CEP350: variants seen among roughly 807,000 people sequenced by gnomAD.
CEP350 encodes centrosomal protein 350, also known as centrosome-associated protein 350.
CEP350 carries 126 observed loss-of-function variants against 331.8 expected under a neutral mutation model. That is an observed-to-expected ratio of 0.38 (90% CI 0.33 to 0.44). CEP350 has a LOEUF of 0.44. Among genes scored for constraint, CEP350 ranks in the 20% least tolerant of loss-of-function variants. The pLI is 1.00. For missense variants in CEP350, 3,406 were observed against 3,634.6 expected (o/e 0.94, Z 1.62); for synonymous variants, 1,200 against 1,259.5 (o/e 0.95, Z 1.00).
In CEP350 at chr1:180,055,289, A is replaced by G. The variant is rs112125590; in HGVS notation, c.5262+787A>G. Among the ~76,000 whole-genome samples, 823 of 152,222 alleles carry G rather than the reference A, an allele frequency of 5.4e-3. 12 individuals are homozygous for G. The highest frequency in any genetic ancestry group is 0.018 in the African/African-American group (767 of 41,526). ...GAGACTTAATTTCCTCATCTGTAGG[A>G]GTGGGATTATACTTCATATAGTGGT... On this transcript the variant is annotated intron_variant, in intron 25 of 37. Coordinates refer to ENST00000367607, the MANE Select transcript of CEP350 (RefSeq NM_014810.5).
At chr1:179,969,197 A>G in intron 1 of CEP350, 1 of 561,436 alleles carries the variant, frequency 1.8e-6, no homozygotes, top group South Asian at 1.6e-5. Flanking sequence ...GTGTGCCACC[A>G]TTTCCTGTGA....
At chr1:180,025,955 G>A (rs10913922) in intron 14 of CEP350, among the ~76,000 whole-genome samples, 11,528 of 152,096 alleles carry the variant, frequency 0.076, 615 homozygotes, top group African/African-American at 0.16. Context: ...TGAGCTAAAA[G>A]TCTTCAGGGG....
At position 180,087,675 on chromosome 1, in the gene CEP350, C is replaced by T; in HGVS notation, c.6383C>T (p.Ala2128Val). The change falls in exon 32 of 38, where the codon GCT becomes GTT. Residue 2128 changes from alanine (A) to valine (V), a missense_variant. This residue lies in a region of CEP350 where 1,415 missense variants were observed against 1,512.3 expected (regional missense o/e 0.94). Coordinates refer to ENST00000367607, the MANE Select transcript of CEP350 (RefSeq NM_014810.5). ...CCTCAGATTAAAACGCTCTCCTCAG[C>T]TTCTGAAAAACCCAAGATCAAACCC... ...AKPQIKTLSS[A>V]SEKPKIKPLT... is the part of the protein sequence containing the mutation. 2.5e-6 allele frequency: 4 copies of T among 1,583,298 alleles called. No homozygotes were observed. Among genetic ancestry groups the T allele is most frequent in the Non-Finnish European group, 3.4e-6 (4 of 1,163,168 alleles).
At chr1:179,956,589 A>G (rs1405754828) in intron 1 of CEP350, among the ~76,000 whole-genome samples, 1 of 152,156 alleles carries the variant, frequency 6.6e-6, no homozygotes, top group Non-Finnish European at 1.5e-5. Flanking sequence ...TCTTTTGCCC[A>G]TTTTATAACA....
chr1:180,018,366 A>G (rs959084375), intron 11 of CEP350, among the ~76,000 whole-genome samples: 2 of 152,128 alleles, frequency 1.3e-5, no homozygotes, highest in African/African-American at 4.8e-5. Context: ...CTGTTTCTCT[A>G]CCATCAACAT....
At chr1:179,989,566 T>C (rs1422334454) in intron 3 of CEP350, among the ~76,000 whole-genome samples, 1 of 152,122 alleles carries the variant, frequency 6.6e-6, no homozygotes, top group Non-Finnish European at 1.5e-5. Flanking sequence ...GATTTTAATT[T>C]CATTTTTTAT....
At chr1:180,028,692 T>TC (rs1001426868) in intron 14 of CEP350, among the ~76,000 whole-genome samples, 1 of 152,016 alleles carries the variant, frequency 6.6e-6, no homozygotes, top group Non-Finnish European at 1.5e-5. Context: ...TAGCTCCAGC[T>TC]ACTGGAGAGG....
chr1:180,020,713 A>T lies in CEP350; in HGVS notation c.2939A>T (p.Asp980Val). Reference protein sequence around the residue: ...KAKISLGSSIDSVSEGPLLSE... With the variant: ...KAKISLGSSIVSVSEGPLLSE... Reference sequence around the variant, plus strand: ...AAAATATCTCTTGGTTCCAGCATAGATTCAGTCAGTGAAGGGCCTCTTCTT... The same window carrying T: ...AAAATATCTCTTGGTTCCAGCATAGTTTCAGTCAGTGAAGGGCCTCTTCTT... The change falls in exon 12 of 38, where the codon GAT (aspartate) becomes GTT (valine). Residue 980 changes from aspartate to valine, a missense_variant. Asp to Val is a radical substitution (Grantham distance 152). Transcript: ENST00000367607. 1 of 1,614,028 alleles carries T rather than the reference A, an allele frequency of 6.2e-7. No individual in the cohort carries two copies. The highest frequency in any genetic ancestry group is 1.1e-5 in the South Asian group (1 of 91,086).
intron 7 of CEP350, among the ~76,000 whole-genome samples, chr1:180,005,300 C>T (rs1463319136): frequency 2.0e-5 from 3 of 152,058 alleles, no homozygotes; most frequent in Non-Finnish European, 4.4e-5. Context: ...TAAATGTGGT[C>T]ATGATATACC....
chr1:179,979,021 T>C (rs575324920), intron 1 of CEP350, among the ~76,000 whole-genome samples: 20 of 152,294 alleles, frequency 1.3e-4, no homozygotes, highest in Admixed American at 5.9e-4. Flanking sequence ...ATAATGCTGC[T>C]ATAAACATGG....
At chr1:180,053,190 G>C in intron 23 of CEP350, 24 bp downstream of exon 23, 1 of 1,407,662 alleles carries the variant, frequency 7.1e-7, no homozygotes, top group Non-Finnish European at 9.6e-7. Flanking sequence ...TATCTGTGGA[G>C]GTAAATGGTT....
At chr1:180,101,076 A>G (rs1008550845) in intron 37 of CEP350, among the ~76,000 whole-genome samples, 3 of 152,192 alleles carry the variant, frequency 2.0e-5, no homozygotes. Context: ...TCAAATACTA[A>G]ACAAAATATT....
rs977199748 is a variant in CEP350, at chr1:180,065,386, A to G, written c.5567+114A>G. 1.3e-5 allele frequency: 14 copies of G among 1,062,846 alleles called. No homozygotes were observed. In the African/African-American group the frequency reaches 2.3e-4, roughly 17 times the overall value. The allele number at this position is 1,062,846 out of a possible 1,614,324, so 65.8% of individuals were successfully genotyped here. A position where few individuals can be genotyped will look rare whatever the true frequency, so the allele number is the denominator to read the frequency against. On this transcript the variant is annotated intron_variant, in intron 27 of 37. Transcript: ENST00000367607. Reference sequence around the variant, plus strand: ...TTGAGACAAAATATTTTATGGATTCAGTAGCATTTTAGCAGAATTGTTAGA... The same window carrying G: ...TTGAGACAAAATATTTTATGGATTCGGTAGCATTTTAGCAGAATTGTTAGA...
At chr1:180,054,324 G>A in intron 24 of CEP350, 91 bp from the exon 25 acceptor site, 1 of 1,062,708 alleles carries the variant, frequency 9.4e-7, no homozygotes, top group Non-Finnish European at 1.4e-6. Flanking sequence ...AAATTGGTTT[G>A]TAGACTTTTT....
At chr1:180,085,314 T>C (rs1659802209) in intron 31 of CEP350, among the ~76,000 whole-genome samples, 1 of 152,184 alleles carries the variant, frequency 6.6e-6, no homozygotes, top group Non-Finnish European at 1.5e-5. Context: ...ATGTCTTCCT[T>C]ATTCTGTTCT....
chr1:180,008,953 A>G (rs1035564126), intron 8 of CEP350, among the ~76,000 whole-genome samples: 1 of 152,216 alleles, frequency 6.6e-6, no homozygotes, highest in African/African-American at 2.4e-5. Context: ...CACTTGCTAT[A>G]TACAGATAAA....
chr1:180,033,766 T>G, intron 15 of CEP350, 96 bp from the exon 16 acceptor site: 1 of 1,237,696 alleles, frequency 8.1e-7, no homozygotes, highest in Non-Finnish European at 1.1e-6. Context: ...AAAGCTAATG[T>G]TGATAGTTTT....
rs868501228 is a variant in CEP350, at chr1:179,997,479, G to T, written c.1018+304G>T. 4.1e-5 allele frequency among the ~76,000 whole-genome samples: 6 copies of T among 147,462 alleles called. No individual in the cohort carries two copies. The South Asian group carries it at 1.1e-3, about 27-fold the overall frequency. ...AATGGTGTGAACCCGGGAGGCGGAG[G>T]TTACACTGAGCCGAGATCTCACCAC... On this transcript the variant is annotated intron_variant, in intron 6 of 37. Coordinates refer to ENST00000367607, the MANE Select transcript of CEP350 (RefSeq NM_014810.5).
Position 180,004,929 on chromosome 1 carries a change from TTC to T in CEP350, c.1133-1523_1133-1522del, listed in dbSNP as rs1264030145. Among the ~76,000 whole-genome samples the T allele has an allele frequency of 9.9e-3, 1,034 of 104,806 alleles. 21 individuals are homozygous for T. Among genetic ancestry groups the T allele is most frequent in the Non-Finnish European group, 0.018 (797 of 45,108 alleles). The allele number at this position is 104,806 out of a possible 152,430, so 68.8% of individuals were successfully genotyped here. A position where few individuals can be genotyped will look rare whatever the true frequency, so the allele number is the denominator to read the frequency against. On this transcript the variant is annotated intron_variant, in intron 7 of 37. Coordinates refer to ENST00000367607, the MANE Select transcript of CEP350 (RefSeq NM_014810.5). The stretch of plus-strand genomic sequence containing the variant: ...TTGCTTTCTTTCTTTCTTTCTTTCT[TTC>T]TTTCTTTCTTTCTTTCTTTCTTTCC...
Sources: allele counts gnomAD v4.1 joint callset (sites outside exome capture counted in the v4.1 genomes callset), GRCh38; gene constraint gnomAD v4.1.1; regional missense constraint gnomAD v4.1.1; transcripts MANE v1.5; gene names NCBI Gene and HGNC (gene_info 2026-07-23, HGNC 2026-07-21).